Variants in PCDH15 observed in about 807,000 individuals in gnomAD.
The protein encoded by PCDH15 is protocadherin-15.
PCDH15 carries 129 observed loss-of-function variants against 178.5 expected under a neutral mutation model. That is an observed-to-expected ratio of 0.72 (90% confidence interval 0.63 to 0.84). The LOEUF is 0.84. Ranked by LOEUF, PCDH15 falls within the 40% of genes least tolerant of loss-of-function variation. The pLI is 0.00. For missense variants in PCDH15, 2,230 were observed against 2,099.9 expected (o/e 1.06, Z -1.21); for synonymous variants, 800 against 732.0 (o/e 1.09, Z -1.50).
At chr10:53,962,859 G>A (rs2088510954) in intron 21 of PCDH15, among the ~76,000 whole-genome samples, 1 of 152,208 alleles carries the variant, frequency 6.6e-6, no homozygotes, top group African/African-American at 2.4e-5. Context: ...GAACTATGTA[G>A]GGTGACATTG....
chr10:54,562,110 C>T (rs1013601014), intron 2 of PCDH15, among the ~76,000 whole-genome samples: 5 of 150,170 alleles, frequency 3.3e-5, no homozygotes, highest in Non-Finnish European at 7.4e-5. Flanking sequence ...CCTGCCTCAA[C>T]CTCCCAAGTA....
intron 2 of PCDH15, among the ~76,000 whole-genome samples, chr10:55,025,481 A>G (rs1026435871): frequency 3.9e-5 from 6 of 152,128 alleles, no homozygotes; most frequent in African/African-American, 1.4e-4. Context: ...GCCATTCTTT[A>G]AAACCATATG....
At chr10:54,156,970 G>A (rs986181459) in intron 13 of PCDH15, among the ~76,000 whole-genome samples, 2 of 152,328 alleles carry the variant, frequency 1.3e-5, no homozygotes, top group South Asian at 2.1e-4. Flanking sequence ...AGGTCATGCT[G>A]ATGTAAGAGG....
intron 15 of PCDH15, among the ~76,000 whole-genome samples, chr10:54,094,168 A>T (rs2094654341): frequency 6.6e-6 from 1 of 152,062 alleles, no homozygotes; most frequent in African/African-American, 2.4e-5. Context: ...TAATTCAACA[A>T]ATATTTATTG....
At chr10:55,464,240 A>T (rs1056343141) in intron 2 of PCDH15, among the ~76,000 whole-genome samples, 1 of 152,148 alleles carries the variant, frequency 6.6e-6, no homozygotes, top group Non-Finnish European at 1.5e-5. Context: ...CAATGATCAG[A>T]ACATCAGAAC....
At chr10:55,183,075 A>T (rs551476142) in intron 1 of PCDH15, among the ~76,000 whole-genome samples, 1 of 152,050 alleles carries the variant, frequency 6.6e-6, no homozygotes, top group African/African-American at 2.4e-5. Context: ...TGAGATATAG[A>T]TATGGTATAT....
intron 2 of PCDH15, among the ~76,000 whole-genome samples, chr10:55,500,309 TAA>T (rs1840627187): frequency 1.3e-5 from 2 of 151,802 alleles, no homozygotes; most frequent in Admixed American, 6.6e-5. Flanking sequence ...TATGAAGGAC[TAA>T]GTCAGTTGAA....
chr10:54,189,368 A>G, intron 11 of PCDH15: 1 of 1,573,998 alleles, frequency 6.4e-7, no homozygotes, highest in Non-Finnish European at 8.6e-7. Flanking sequence ...ACCTACAGGA[A>G]CTCCACTGGG....
chr10:54,118,226 T>A (rs555168131), intron 15 of PCDH15, among the ~76,000 whole-genome samples: 1 of 151,932 alleles, frequency 6.6e-6, no homozygotes, highest in Non-Finnish European at 1.5e-5. Context: ...GGAGAACACA[T>A]AAATAAAGCC....
intron 2 of PCDH15, among the ~76,000 whole-genome samples, chr10:55,569,801 G>A (rs1010901019): frequency 2.6e-5 from 4 of 151,994 alleles, no homozygotes; most frequent in African/African-American, 4.8e-5. Flanking sequence ...CAGAGTAATC[G>A]TGTGAACATG....
intron 1 of PCDH15, among the ~76,000 whole-genome samples, chr10:54,669,949 G>A (rs1199844286): frequency 6.6e-6 from 1 of 151,920 alleles, no homozygotes; most frequent in Admixed American, 6.6e-5. Flanking sequence ...AGTTACTCAG[G>A]AGGCTGAGGT....
chr10:53,912,689 C>G (rs1302987260), intron 25 of PCDH15, among the ~76,000 whole-genome samples: 1 of 152,152 alleles, frequency 6.6e-6, no homozygotes, highest in African/African-American at 2.4e-5. Flanking sequence ...CTTCCATTCA[C>G]AGTTGCTTCA....
chr10:53,868,619 G>C (rs911316723), intron 26 of PCDH15, among the ~76,000 whole-genome samples: 6 of 152,070 alleles, frequency 3.9e-5, no homozygotes, highest in African/African-American at 1.4e-4. Flanking sequence ...TAGTAAAGTT[G>C]AGACACAAAT....
intron 2 of PCDH15, among the ~76,000 whole-genome samples, chr10:54,989,107 C>T (rs754566866): frequency 5.3e-5 from 8 of 152,178 alleles, no homozygotes; most frequent in South Asian, 4.1e-4. Flanking sequence ...TGTCAGCTTC[C>T]CTGTGGTGTT....
At chr10:55,525,981 T>C (rs1841293651) in intron 2 of PCDH15, among the ~76,000 whole-genome samples, 1 of 151,914 alleles carries the variant, frequency 6.6e-6, no homozygotes, top group African/African-American at 2.4e-5. Context: ...AAATGAGTCA[T>C]TAGATTGAGA....
intron 3 of PCDH15, among the ~76,000 whole-genome samples, chr10:54,379,795 G>A (rs969893040): frequency 3.3e-5 from 5 of 151,820 alleles, no homozygotes; most frequent in Non-Finnish European, 5.9e-5. Flanking sequence ...ATTTTCAACC[G>A]ATCCATTTTA....
rs752921639 is a variant in PCDH15 at position 54,548,047 on chromosome 10, T to C, written c.92-20170A>G. On this transcript the variant is annotated intron_variant, in intron 2 of 37. Transcript: ENST00000644397. ...ACTTGGCAACTTCTCATGTGTTTAA[T>C]GAAAACATGCGCCACTGCACTCCAG... 1.2e-3 allele frequency among the ~76,000 whole-genome samples: 178 copies of C among 146,590 alleles called. 1 individual carries two copies. Among genetic ancestry groups the C allele is most frequent in the Non-Finnish European group, 1.8e-3 (122 of 67,008 alleles).
intron 18 of PCDH15, among the ~76,000 whole-genome samples, chr10:54,048,730 CCTATGTGTCTGT>C (rs1425892639): frequency 6.6e-6 from 1 of 152,024 alleles, no homozygotes; most frequent in Non-Finnish European, 1.5e-5. Flanking sequence ...GTTCCGTTAA[CCTATGTGTCTGT>C]CTATGTGTAG....
intron 2 of PCDH15, among the ~76,000 whole-genome samples, chr10:54,946,314 C>A (rs573252072): frequency 3.9e-4 from 59 of 151,852 alleles, no homozygotes; most frequent in African/African-American, 1.4e-3. Flanking sequence ...ATTTTATTAT[C>A]TGCTCATTTG....
Sources: allele counts gnomAD v4.1 joint callset (sites outside exome capture counted in the v4.1 genomes callset), GRCh38; gene constraint gnomAD v4.1.1; transcripts MANE v1.5; gene names NCBI Gene and HGNC (gene_info 2026-07-23, HGNC 2026-07-21).